The following MAP3K7CL variants were observed in gnomAD, a reference collection of about 807,000 sequenced individuals.
MAP3K7CL encodes the protein MAP3K7 C-terminal-like protein.
In MAP3K7CL, 16 loss-of-function variants were observed where a neutral mutation model predicts 18.6. That is an observed-to-expected ratio of 0.86 (90% CI 0.58 to 1.31). The LOEUF (loss-of-function observed/expected upper bound fraction) is 1.31. Ranked by LOEUF, MAP3K7CL falls within the 50% of genes most tolerant of loss-of-function variation. The pLI, the probability that MAP3K7CL is intolerant of heterozygous loss-of-function variation, is 0.00. For synonymous variants in MAP3K7CL, 65 were observed against 66.8 expected, an observed-to-expected ratio of 0.97 and a Z score of 0.13; for missense variants, 163 against 174.4, an observed-to-expected ratio of 0.93 and a Z score of 0.37.
intron 4 of MAP3K7CL, among the ~76,000 whole-genome samples, chr21:29,093,657 A>AT (rs879928568): frequency 0.014 from 1,966 of 142,178 alleles, 47 homozygotes; most frequent in African/African-American, 0.046. Context: ...AATTTTTTGT[A>AT]TTTTTTTTTT....
intron 2 of MAP3K7CL, among the ~76,000 whole-genome samples, chr21:29,135,843 C>T (rs1408275955): frequency 6.6e-6 from 1 of 151,900 alleles, no homozygotes; most frequent in African/African-American, 2.4e-5. Flanking sequence ...TTATTCCTAC[C>T]CTCTAGCCCC....
chr21:29,140,616 A>C (rs932508906), intron 2 of MAP3K7CL, among the ~76,000 whole-genome samples: 4 of 152,196 alleles, frequency 2.6e-5, no homozygotes, highest in African/African-American at 9.6e-5. Context: ...AAGCTTCTTG[A>C]CAACAAATAG....
At chr21:29,084,798 T>C (rs2085895863), upstream of MAP3K7CL, among the ~76,000 whole-genome samples, 1 of 152,244 alleles carries the variant, frequency 6.6e-6, no homozygotes, top group Non-Finnish European at 1.5e-5. Flanking sequence ...AAAGATCTTT[T>C]CATTCCCTGA....
At chr21:29,077,341 C>G (rs939300016), upstream of MAP3K7CL, 1 of 153,458 alleles carries the variant, frequency 6.5e-6, no homozygotes, top group Non-Finnish European at 1.4e-5. Flanking sequence ...AAATTGAGCA[C>G]GGCAGCTGCT....
At chr21:29,149,966 G>T (rs1206977868) in intron 3 of MAP3K7CL, among the ~76,000 whole-genome samples, 1 of 152,106 alleles carries the variant, frequency 6.6e-6, no homozygotes, top group African/African-American at 2.4e-5. Flanking sequence ...ACTTAACTTT[G>T]TAGTCACATT....
At chr21:29,150,748 A>G (rs1001092002) in intron 3 of MAP3K7CL, among the ~76,000 whole-genome samples, 4 of 148,074 alleles carry the variant, frequency 2.7e-5, no homozygotes, top group African/African-American at 5.0e-5. Context: ...ATGAAGAACA[A>G]TTCAGCTCTC....
intron 4 of MAP3K7CL, among the ~76,000 whole-genome samples, chr21:29,101,150 G>A (rs2086222831): frequency 6.6e-6 from 1 of 152,064 alleles, no homozygotes; most frequent in African/African-American, 2.4e-5. Context: ...TCTGGGTGTG[G>A]CTTCGCTGGA....
intron 4 of MAP3K7CL, among the ~76,000 whole-genome samples, chr21:29,163,856 C>G (rs2065272): frequency 0.47 from 71,527 of 151,596 alleles, 18,609 homozygotes; most frequent in African/African-American, 0.7. Flanking sequence ...CCAGCATGCC[C>G]AGTTAATTAA....
intron 4 of MAP3K7CL, among the ~76,000 whole-genome samples, chr21:29,121,338 C>T (rs193143946): frequency 1.3e-3 from 197 of 152,138 alleles, no homozygotes; most frequent in Middle Eastern, 3.4e-3. Flanking sequence ...GAAAGCTGAC[C>T]ATGAAGTGGA....
At position 29,174,808 on chromosome 21, in the gene MAP3K7CL, G is replaced by A. The variant is rs765794195; in HGVS notation, c.345G>A (p.Arg115=). 5 of 1,614,038 alleles carry A rather than the reference G, an allele frequency of 3.1e-6. No individual in the cohort carries two copies. The African/African-American group carries it at 5.3e-5, about 17-fold the overall frequency. Residue 115 remains arginine, a synonymous_variant, in exon 5 of 5, where the codon CGG becomes CGA. Coordinates refer to ENST00000399928, the MANE Select transcript of MAP3K7CL (RefSeq NM_001286620.2). ...REFEALTEEN[R]TLRLAQSQCV... is the part of the protein sequence containing the mutation. ...TCGAGGCTCTGACGGAGGAGAATCG[G>A]ACGTTGAGGTTGGCCCAGTCTCAAT...
intron 4 of MAP3K7CL, among the ~76,000 whole-genome samples, chr21:29,166,821 G>A (rs1168665988): frequency 6.6e-6 from 1 of 152,122 alleles, no homozygotes; most frequent in African/African-American, 2.4e-5. Context: ...CATTTAATCG[G>A]TTGTTTGCAC....
intron 3 of MAP3K7CL, among the ~76,000 whole-genome samples, chr21:29,150,492 A>C (rs988204927): frequency 6.6e-6 from 1 of 152,198 alleles, no homozygotes; most frequent in Admixed American, 6.5e-5. Context: ...TCAACAGAGC[A>C]TTATCAGTTA....
At chr21:29,158,673 A>G (rs1455611888) in intron 3 of MAP3K7CL, among the ~76,000 whole-genome samples, 1 of 152,154 alleles carries the variant, frequency 6.6e-6, no homozygotes, top group African/African-American at 2.4e-5. Context: ...GAAGAATATA[A>G]TGAGAGGAAC....
At chr21:29,094,496 C>G (rs1383166152) in intron 4 of MAP3K7CL, among the ~76,000 whole-genome samples, 6 of 152,172 alleles carry the variant, frequency 3.9e-5, no homozygotes, top group Non-Finnish European at 8.8e-5. Flanking sequence ...CTTTGAGAAC[C>G]ATTTCTGGAG....
upstream of MAP3K7CL, among the ~76,000 whole-genome samples, chr21:29,085,545 TAAAAAA>T (rs33938293): frequency 2.0e-5 from 1 of 48,988 alleles, no homozygotes; most frequent in Non-Finnish European, 3.6e-5. Flanking sequence ...AGACTCTGTC[TAAAAAA>T]AAAAAAAAAA....
chr21:29,154,448 C>T (rs1405283803), intron 3 of MAP3K7CL, among the ~76,000 whole-genome samples: 4 of 151,082 alleles, frequency 2.6e-5, no homozygotes, highest in Admixed American at 2.6e-4. Flanking sequence ...TAAAGTCCTC[C>T]TATCTAATCT....
At chr21:29,150,580 G>T (rs143192877) in intron 3 of MAP3K7CL, among the ~76,000 whole-genome samples, 1 of 152,072 alleles carries the variant, frequency 6.6e-6, no homozygotes, top group Non-Finnish European at 1.5e-5. Context: ...GAGCTCTGTC[G>T]TCCCCTAAAA....
At chr21:29,158,814 C>A (rs1460530368) in intron 3 of MAP3K7CL, among the ~76,000 whole-genome samples, 1 of 150,874 alleles carries the variant, frequency 6.6e-6, no homozygotes, top group Non-Finnish European at 1.5e-5. Context: ...GAGCCTATTT[C>A]ACAATAAACT....
chr21:29,157,510 G>A (rs866079147), intron 3 of MAP3K7CL, among the ~76,000 whole-genome samples: 2 of 152,160 alleles, frequency 1.3e-5, no homozygotes, highest in Non-Finnish European at 2.9e-5. Context: ...CCTGAAAACT[G>A]GATACAAAGT....
Sources: allele counts gnomAD v4.1 joint callset (sites outside exome capture counted in the v4.1 genomes callset), GRCh38; gene constraint gnomAD v4.1.1; transcripts MANE v1.5; gene names NCBI Gene and HGNC (gene_info 2026-07-23, HGNC 2026-07-21).